Variants in GPC3 observed in about 807,000 individuals in gnomAD.
GPC3 encodes glypican 3.
Under a neutral mutation model 34.4 loss-of-function variants are expected in GPC3, and 3 were observed. That is an observed-to-expected ratio of 0.09 (90% CI 0.04 to 0.23). GPC3 has a LOEUF of 0.23. Ranked by LOEUF, GPC3 falls within the 10% of genes least tolerant of loss-of-function variation. GPC3 has a pLI of 1.00. For missense variants in GPC3, 351 were observed against 445.6 expected, an observed-to-expected ratio of 0.79 and a Z score of 1.91; for synonymous variants, 177 against 174.0, an observed-to-expected ratio of 1.02 and a Z score of -0.13.
intron 7 of GPC3, among the ~76,000 whole-genome samples, chrX:133,564,731 T>G (rs1046819924): frequency 8.9e-6 from 1 of 111,954 alleles, no homozygotes; most frequent in African/African-American, 3.2e-5. Flanking sequence ...ACACAGTAGG[T>G]GCTGATTAAG....
intron 2 of GPC3, among the ~76,000 whole-genome samples, chrX:133,869,442 C>CT (rs2075983941): frequency 8.9e-6 from 1 of 111,765 alleles, no homozygotes; most frequent in South Asian, 3.8e-4. Flanking sequence ...CTGTATCTTT[C>CT]TTTAGCATCT....
At chrX:133,760,092 T>A (rs774779008) in intron 2 of GPC3, among the ~76,000 whole-genome samples, 7 of 112,042 alleles carry the variant, frequency 6.2e-5, no homozygotes, top group Non-Finnish European at 1.3e-4. Flanking sequence ...TGAGATACCA[T>A]CACAAAGCCA....
chrX:133,643,868 C>T (rs1460775933), intron 6 of GPC3, among the ~76,000 whole-genome samples: 2 of 99,907 alleles, frequency 2.0e-5, no homozygotes, highest in Non-Finnish European at 3.9e-5. Context: ...TGCTCTTTCG[C>T]CCAGGCTGGA....
intron 5 of GPC3, among the ~76,000 whole-genome samples, chrX:133,666,137 G>C (rs886718032): frequency 9.0e-6 from 1 of 111,560 alleles, no homozygotes; most frequent in African/African-American, 3.3e-5. Flanking sequence ...CTGATCCTTT[G>C]TGGTCCTACT....
At chrX:133,918,921 G>A (rs1191660093) in intron 2 of GPC3, among the ~76,000 whole-genome samples, 8 of 111,853 alleles carry the variant, frequency 7.2e-5, no homozygotes, top group Admixed American at 1.9e-4. Flanking sequence ...TGTGAAGGGC[G>A]ACAGAAGCGG....
At chrX:133,782,306 G>A (rs886713660) in intron 2 of GPC3, among the ~76,000 whole-genome samples, 1 of 112,002 alleles carries the variant, frequency 8.9e-6, no homozygotes, top group African/African-American at 3.2e-5. Flanking sequence ...TACAGAAAGC[G>A]TAATAGAAAG....
intron 3 of GPC3, among the ~76,000 whole-genome samples, chrX:133,712,653 G>A (rs181070144): frequency 9.1e-6 from 1 of 110,225 alleles, no homozygotes; most frequent in African/African-American, 3.3e-5. Context: ...GCTGAGGCGG[G>A]CGGATCACTT....
intron 2 of GPC3, among the ~76,000 whole-genome samples, chrX:133,868,648 G>A (rs925203630): frequency 4.5e-5 from 5 of 111,749 alleles, no homozygotes; most frequent in African/African-American, 1.6e-4. Flanking sequence ...CTAGAGCAAG[G>A]GAGGATGACT....
At chrX:133,977,015 C>G (rs1419646502) in intron 1 of GPC3, among the ~76,000 whole-genome samples, 1 of 111,596 alleles carries the variant, frequency 9.0e-6, no homozygotes, top group Non-Finnish European at 1.9e-5. Flanking sequence ...AAATATGCTT[C>G]AAATTCACCA....
chrX:133,877,716 T>C (rs1187598041), intron 2 of GPC3, among the ~76,000 whole-genome samples: 1 of 112,164 alleles, frequency 8.9e-6, no homozygotes, highest in Non-Finnish European at 1.9e-5. Flanking sequence ...TCTATATTCA[T>C]GTAACGAAGG....
At chrX:133,662,164 G>A (rs776898096) in intron 5 of GPC3, among the ~76,000 whole-genome samples, 22 of 111,710 alleles carry the variant, frequency 2.0e-4, no homozygotes, top group Non-Finnish European at 4.1e-4. Context: ...CCAATGACCA[G>A]GCAGAGTGAT....
rs765884753 is a variant in GPC3 at position 133,615,714 on chromosome X, C to T, written c.1414-19115G>A. On this transcript the variant is annotated intron_variant, in intron 6 of 7. Coordinates refer to ENST00000370818, the MANE Select transcript of GPC3 (RefSeq NM_004484.4). Reference sequence around the variant, plus strand: ...CAGGTGTATACCTATGTAACAAACCCGCACGTTGTGAACATGTATCCTAGA... The same window carrying T: ...CAGGTGTATACCTATGTAACAAACCTGCACGTTGTGAACATGTATCCTAGA... Among the ~76,000 whole-genome samples, 7 of 106,734 alleles carry T rather than the reference C, an allele frequency of 6.6e-5. No individual in the cohort carries two copies. In the South Asian group the frequency reaches 1.7e-3, roughly 26 times the overall value. 92.7% of individuals were successfully genotyped at this position (106,734 alleles called of 115,157 possible).
intron 2 of GPC3, among the ~76,000 whole-genome samples, chrX:133,848,731 T>C (rs952479858): frequency 1.4e-4 from 16 of 111,034 alleles, no homozygotes; most frequent in African/African-American, 5.3e-4. Context: ...TACAAATCAG[T>C]GTTGTGGGAG....
Position 133,801,683 on chromosome X carries a change from A to ATT in GPC3, c.338-47508_338-47507insAA, listed in dbSNP as rs1277507911. Among the ~76,000 whole-genome samples, 10 of 112,459 alleles carry ATT rather than the reference A, an allele frequency of 8.9e-5. No individual in the cohort carries two copies. The Admixed American group carries it at 9.4e-4, about 11-fold the overall frequency. On this transcript the variant is annotated intron_variant, in intron 2 of 7. Transcript: ENST00000370818. The stretch of plus-strand genomic sequence containing the variant: ...TCAAGGGATTTTAATTAAAAGGTCA[A>ATT]GAACACTAAAATACAACAAGACATG...
At chrX:133,906,040 T>C (rs1028685380) in intron 2 of GPC3, among the ~76,000 whole-genome samples, 8 of 112,164 alleles carry the variant, frequency 7.1e-5, no homozygotes, top group African/African-American at 2.6e-4. Flanking sequence ...ATAAAAACTC[T>C]ACTTTCTTCA....
At chrX:133,716,079 G>A (rs921373444) in intron 3 of GPC3, among the ~76,000 whole-genome samples, 2 of 112,056 alleles carry the variant, frequency 1.8e-5, no homozygotes, top group Non-Finnish European at 1.9e-5. Flanking sequence ...AGACTTCAAC[G>A]GCTACACATG....
chrX:133,774,666 A>T (rs1462738908), intron 2 of GPC3, among the ~76,000 whole-genome samples: 1 of 111,612 alleles, frequency 9.0e-6, no homozygotes, highest in Non-Finnish European at 1.9e-5. Context: ...TGAATACATA[A>T]ATTATCTCCT....
chrX:133,692,349 T>A lies in GPC3; in HGVS notation c.1292+20A>T, dbSNP rs751617029. The stretch of plus-strand genomic sequence containing the variant: ...ATTATTCCTCAAATATTGCTATATG[T>A]AACTTTCAAAAAAGATCACCTCTCC... On this transcript the variant is annotated intron_variant, in intron 5 of 7. Transcript: ENST00000370818. 4.1e-5 allele frequency: 50 copies of A among 1,204,955 alleles called. No homozygotes were observed. The highest frequency in any genetic ancestry group is 5.3e-5 in the Non-Finnish European group (47 of 889,823).
intron 2 of GPC3, among the ~76,000 whole-genome samples, chrX:133,929,099 C>A (rs772948428): frequency 8.9e-6 from 1 of 111,975 alleles, no homozygotes; most frequent in Admixed American, 9.5e-5. Context: ...GGTCTTCATC[C>A]ATTTTAAGTT....
Sources: allele counts gnomAD v4.1 joint callset (sites outside exome capture counted in the v4.1 genomes callset), GRCh38; gene constraint gnomAD v4.1.1; transcripts MANE v1.5; gene names NCBI Gene and HGNC (gene_info 2026-07-23, HGNC 2026-07-21).